RBFOX1: variants seen among roughly 807,000 people sequenced by gnomAD.
RBFOX1 encodes RNA binding protein fox-1 homolog 1.
RBFOX1 carries 8 observed loss-of-function variants against 57.7 expected under a neutral mutation model. That is an observed-to-expected ratio of 0.14 (90% CI 0.08 to 0.25). RBFOX1 has a LOEUF of 0.25. Among genes scored for constraint, RBFOX1 ranks in the 10% least tolerant of loss-of-function variants. The pLI is 1.00. For missense variants in RBFOX1, 611 were observed against 548.5 expected, an observed-to-expected ratio of 1.11 and a Z score of -1.14; for synonymous variants, 326 against 222.4, an observed-to-expected ratio of 1.47 and a Z score of -4.15.
intron 3 of RBFOX1, among the ~76,000 whole-genome samples, chr16:6,940,242 G>C (rs969608393): frequency 6.6e-6 from 1 of 152,108 alleles, no homozygotes; most frequent in African/African-American, 2.4e-5. Context: ...GTTACCTCTG[G>C]CTATCAGAGG....
At position 5,639,495 on chromosome 16, in the gene RBFOX1, T is replaced by C. The variant is rs185449215; in HGVS notation, c.318+40534T>C. Among the ~76,000 whole-genome samples the C allele has an allele frequency of 3.3e-5, 5 of 152,306 alleles. No individual in the cohort carries two copies. In the East Asian group the frequency reaches 9.7e-4, roughly 29 times the overall value. ...AGAAGGCCTCGGAACACTGGGTCCA[T>C]GTTCCTACATAACACTAGTCAAATG... On this transcript the variant is annotated intron_variant, in intron 3 of 19. Transcript: ENST00000641259.
At chr16:5,820,917 A>G (rs937985044) in intron 3 of RBFOX1, among the ~76,000 whole-genome samples, 6 of 152,032 alleles carry the variant, frequency 3.9e-5, no homozygotes, top group Admixed American at 1.3e-4. Context: ...AGGCTCCACA[A>G]TGCCACACGT....
At chr16:6,315,821 T>C (rs1041599649) in intron 1 of RBFOX1, among the ~76,000 whole-genome samples, 1 of 152,172 alleles carries the variant, frequency 6.6e-6, no homozygotes, top group Non-Finnish European at 1.5e-5. Context: ...TTGATGTTTT[T>C]AGGTGTTGTA....
intron 6 of RBFOX1, among the ~76,000 whole-genome samples, chr16:7,580,318 G>T (rs1222467819): frequency 6.6e-6 from 1 of 152,092 alleles, no homozygotes; most frequent in African/African-American, 2.4e-5. Context: ...ATGATCCAGA[G>T]GGTGACTCTT....
chr16:6,924,405 G>C (rs2075136119), intron 3 of RBFOX1, among the ~76,000 whole-genome samples: 1 of 151,910 alleles, frequency 6.6e-6, no homozygotes, highest in Non-Finnish European at 1.5e-5. Flanking sequence ...TAAACAACCA[G>C]ATCTCGTGTG....
chr16:6,052,757 C>T (rs2095567179), intron 1 of RBFOX1, among the ~76,000 whole-genome samples: 1 of 150,754 alleles, frequency 6.6e-6, no homozygotes, highest in African/African-American at 2.4e-5. Context: ...GCACTCCAGC[C>T]TGGGAGACAG....
At chr16:7,684,463 AAC>A (rs1334599980) in intron 14 of RBFOX1, among the ~76,000 whole-genome samples, 3 of 152,106 alleles carry the variant, frequency 2.0e-5, no homozygotes, top group Admixed American at 6.6e-5. Flanking sequence ...CAAATAGATT[AAC>A]AGATTTCTGA....
At chr16:6,404,902 G>C (rs1330572153) in intron 2 of RBFOX1, among the ~76,000 whole-genome samples, 1 of 152,160 alleles carries the variant, frequency 6.6e-6, no homozygotes, top group East Asian at 1.9e-4. Flanking sequence ...AAGAAGCCTG[G>C]CTATCCTAGC....
chr16:6,869,619 T>C lies in RBFOX1; in HGVS notation c.-15-182438T>C, dbSNP rs146592543. Reference sequence around the variant, plus strand: ...AAAGAAAGAACAGGAAAAATATAATTGGAATCTGTTTTCAACTCTGACGTG... The same window carrying C: ...AAAGAAAGAACAGGAAAAATATAATCGGAATCTGTTTTCAACTCTGACGTG... On this transcript the variant is annotated intron_variant, in intron 3 of 15. Transcript: ENST00000550418. Among the ~76,000 whole-genome samples, 1,001 of 152,256 alleles carry C rather than the reference T, an allele frequency of 6.6e-3. 16 individuals carry two copies. The highest frequency in any genetic ancestry group is 0.023 in the African/African-American group (948 of 41,550).
At chr16:6,511,824 T>A (rs2096261005) in intron 2 of RBFOX1, among the ~76,000 whole-genome samples, 1 of 152,226 alleles carries the variant, frequency 6.6e-6, no homozygotes. Context: ...GTATCTAGAC[T>A]TGAAGTCACG....
chr16:6,262,061 T>C (rs1490542006), intron 1 of RBFOX1, among the ~76,000 whole-genome samples: 1 of 151,798 alleles, frequency 6.6e-6, no homozygotes, highest in Non-Finnish European at 1.5e-5. Flanking sequence ...GAAAGATGGA[T>C]ATTTTCTTTT....
At position 6,897,181 on chromosome 16, in the gene RBFOX1, A is replaced by C. The variant is rs115955193; in HGVS notation, c.-15-154876A>C. On this transcript the variant is annotated intron_variant, in intron 3 of 15. Coordinates refer to ENST00000550418, the MANE Select transcript of RBFOX1 (RefSeq NM_018723.4). ...CACAGCGGCTGTAGAGTAGAGATTT[A>C]AACACAGGTTGTTTTCCAGAACCCT... Among the ~76,000 whole-genome samples, 1,078 of 152,330 alleles carry C rather than the reference A, an allele frequency of 7.1e-3. 14 individuals carry two copies. Among genetic ancestry groups the C allele is most frequent in the African/African-American group, 0.024 (1,017 of 41,570 alleles).
chr16:6,151,159 C>G, intron 1 of RBFOX1, among the ~76,000 whole-genome samples: 1 of 152,220 alleles, frequency 6.6e-6, no homozygotes, highest in Middle Eastern at 3.2e-3. Context: ...CTCCCTTACT[C>G]TTCCTGTATA....
At chr16:6,550,657 C>T (rs2096973672) in intron 2 of RBFOX1, among the ~76,000 whole-genome samples, 1 of 152,220 alleles carries the variant, frequency 6.6e-6, no homozygotes, top group Admixed American at 6.5e-5. Context: ...TTTCCTTCTT[C>T]ATGAGCTTTT....
At chr16:7,553,795 G>C (rs1175939482) in intron 5 of RBFOX1, among the ~76,000 whole-genome samples, 1 of 152,208 alleles carries the variant, frequency 6.6e-6, no homozygotes, top group Non-Finnish European at 1.5e-5. Flanking sequence ...AAACCAAGGA[G>C]GCTGTTGCTG....
chr16:6,625,209 A>G (rs941814897), intron 2 of RBFOX1, among the ~76,000 whole-genome samples: 1 of 135,142 alleles, frequency 7.4e-6, no homozygotes, highest in African/African-American at 2.7e-5. Flanking sequence ...ATAGTGGGGG[A>G]GTGGCACACC....
At chr16:7,348,433 G>A (rs1458159268) in intron 4 of RBFOX1, among the ~76,000 whole-genome samples, 1 of 139,682 alleles carries the variant, frequency 7.2e-6, no homozygotes. Context: ...TTTCTGTTAG[G>A]TTTTTAAGAC....
chr16:5,802,089 A>G (rs534209739), intron 3 of RBFOX1, among the ~76,000 whole-genome samples: 12 of 152,208 alleles, frequency 7.9e-5, no homozygotes, highest in Non-Finnish European at 1.5e-4. Context: ...CAGACGTGTA[A>G]TAAGCTGTTC....
chr16:7,333,597 C>G (rs759970655), intron 4 of RBFOX1, among the ~76,000 whole-genome samples: 1 of 152,178 alleles, frequency 6.6e-6, no homozygotes, highest in African/African-American at 2.4e-5. Context: ...AAGGAACACT[C>G]TATTGATGGG....
Sources: allele counts gnomAD v4.1 joint callset (sites outside exome capture counted in the v4.1 genomes callset), GRCh38; gene constraint gnomAD v4.1.1; transcripts MANE v1.5; gene names NCBI Gene and HGNC (gene_info 2026-07-23, HGNC 2026-07-21).